Variants in ACP7 observed in about 807,000 individuals in gnomAD.
ACP7 encodes the protein acid phosphatase type 7.
Under a neutral mutation model 60.6 loss-of-function variants are expected in ACP7, and 58 were observed. That is an observed-to-expected ratio of 0.96 (90% CI 0.77 to 1.19). The LOEUF is 1.19. Ranked by LOEUF, ACP7 falls within the 50% of genes most tolerant of loss-of-function variation. The probability of loss-of-function intolerance (pLI) is 0.00; values close to 1 mark genes in which losing one functional copy is unlikely to be tolerated. For synonymous variants in ACP7, 237 were observed against 232.6 expected (o/e 1.02, Z -0.17); for missense variants, 574 against 596.2 (o/e 0.96, Z 0.39).
At chr19:39,095,687 G>A (rs922218772) in intron 2 of ACP7, among the ~76,000 whole-genome samples, 6 of 152,228 alleles carry the variant, frequency 3.9e-5, no homozygotes, top group Non-Finnish European at 8.8e-5. Context: ...CTGTGTGGGG[G>A]CTCCAGCCCC....
In ACP7 at chr19:39,110,290, G is replaced by A. The variant is rs1271403994; in HGVS notation, c.*172G>A. On this transcript the variant is annotated 3_prime_UTR_variant, in exon 13 of 13. Transcript: ENST00000331256. Reference sequence around the variant, plus strand: ...GAGCTGGGGCAGCTGTTCCCTCCTGGAGAGGTGGGAGTCCTGGCTGGCTGT... The same window carrying A: ...GAGCTGGGGCAGCTGTTCCCTCCTGAAGAGGTGGGAGTCCTGGCTGGCTGT... 2 of 629,210 alleles carry A rather than the reference G, an allele frequency of 3.2e-6. No homozygotes were observed. Among genetic ancestry groups the A allele is most frequent in the Admixed American group, 6.0e-5 (2 of 33,112 alleles). The allele number at this position is 629,210 out of a possible 1,614,324, so 39.0% of individuals were successfully genotyped here. A position where few individuals can be genotyped will look rare whatever the true frequency, so the allele number is the denominator to read the frequency against.
At chr19:39,091,013 T>G (rs2073197542) in intron 2 of ACP7, among the ~76,000 whole-genome samples, 1 of 152,072 alleles carries the variant, frequency 6.6e-6, no homozygotes, top group Non-Finnish European at 1.5e-5. Context: ...TCCTTCAGAT[T>G]GCGTTCTGTG....
At chr19:39,093,547 C>G (rs2073234581) in intron 2 of ACP7, among the ~76,000 whole-genome samples, 1 of 152,040 alleles carries the variant, frequency 6.6e-6, no homozygotes, top group Admixed American at 6.6e-5. Flanking sequence ...AGCCATCGCG[C>G]CCAGCTAATT....
chr19:39,087,759 A>G (rs1185953151), intron 2 of ACP7, among the ~76,000 whole-genome samples: 1 of 150,502 alleles, frequency 6.6e-6, no homozygotes, highest in South Asian at 2.1e-4. Flanking sequence ...TCAGCCTCCC[A>G]AGTATCTGGG....
intron 2 of ACP7, among the ~76,000 whole-genome samples, chr19:39,093,759 C>A (rs8111459): frequency 0.036 from 5,477 of 152,124 alleles, 299 homozygotes; most frequent in African/African-American, 0.12. Flanking sequence ...CCTGGTGTAC[C>A]CTTTCTTTAT....
intron 12 of ACP7, among the ~76,000 whole-genome samples, chr19:39,107,578 C>CAAAAAAAAAAA (rs34130688): frequency 2.5e-5 from 2 of 81,226 alleles, no homozygotes; most frequent in Admixed American, 1.5e-4. Flanking sequence ...GACTCTGTCT[C>CAAAAAAAAAAA]AAAAAAAAAA....
At chr19:39,101,997 G>A (rs924514851) in intron 11 of ACP7, among the ~76,000 whole-genome samples, 1 of 151,686 alleles carries the variant, frequency 6.6e-6, no homozygotes, top group African/African-American at 2.4e-5. Flanking sequence ...GTGCTTGCTT[G>A]TAATTTTAGC....
chr19:39,105,110 G>C (rs527951823), intron 11 of ACP7, among the ~76,000 whole-genome samples: 1 of 151,760 alleles, frequency 6.6e-6, no homozygotes, highest in East Asian at 2.0e-4. Context: ...CTGCCTCCCA[G>C]GCTCAAGCGA....
chr19:39,103,653 C>T lies in ACP7; in HGVS notation c.1113+2116C>T, dbSNP rs1038203731. ...ACCAGTCTGGGCAACATGGTGAAAC[C>T]CCATCGCTATCAAAAAATACAAAAT... is the stretch of plus-strand genomic sequence containing the variant. On this transcript the variant is annotated intron_variant, in intron 11 of 12. Transcript: ENST00000331256. Among the ~76,000 whole-genome samples the T allele has an allele frequency of 6.6e-5, 10 of 151,600 alleles. No individual in the cohort carries two copies. In the South Asian group the frequency reaches 2.1e-3, roughly 32 times the overall value.
intron 2 of ACP7, among the ~76,000 whole-genome samples, chr19:39,087,697 G>T (rs1416908568): frequency 6.8e-6 from 1 of 147,246 alleles, no homozygotes; most frequent in African/African-American, 2.5e-5. Context: ...GCAATGGCAT[G>T]ATCTTGGCTC....
chr19:39,106,736 C>T (rs531456681), intron 11 of ACP7, among the ~76,000 whole-genome samples: 1 of 152,258 alleles, frequency 6.6e-6, no homozygotes, highest in South Asian at 2.1e-4. Context: ...GTTGGCCAGG[C>T]TGGTCTCTGA....
intron 12 of ACP7, among the ~76,000 whole-genome samples, chr19:39,108,892 C>G (rs934659737): frequency 3.3e-5 from 5 of 152,190 alleles, no homozygotes; most frequent in Middle Eastern, 3.4e-3. Flanking sequence ...GCAATCTAAG[C>G]TCACTGCAAC....
At chr19:39,095,263 A>C (rs1428727557) in intron 2 of ACP7, among the ~76,000 whole-genome samples, 1 of 152,238 alleles carries the variant, frequency 6.6e-6, no homozygotes, top group African/African-American at 2.4e-5. Context: ...TGAGCCTGTA[A>C]AATCAAAAGC....
chr19:39,107,466 C>A (rs1342890800), intron 12 of ACP7, among the ~76,000 whole-genome samples: 1 of 151,162 alleles, frequency 6.6e-6, no homozygotes. Flanking sequence ...TGCCTATAGT[C>A]CCAGCTACTC....
At chr19:39,099,992 CAAAAAAAA>C (rs35619428) in intron 4 of ACP7, among the ~76,000 whole-genome samples, 2 of 72,522 alleles carry the variant, frequency 2.8e-5, no homozygotes, top group Admixed American at 1.7e-4. Context: ...GACTCTGTCT[CAAAAAAAA>C]AAAAAAAAAA....
intron 2 of ACP7, among the ~76,000 whole-genome samples, chr19:39,096,704 C>G (rs998037798): frequency 6.6e-6 from 1 of 152,182 alleles, no homozygotes; most frequent in African/African-American, 2.4e-5. Context: ...ATACCCAAGA[C>G]TGGGAAGAAA....
chr19:39,101,364 C>T lies in ACP7; in HGVS notation c.1041+9C>T, dbSNP rs375751265. 2.2e-5 allele frequency: 35 copies of T among 1,614,058 alleles called. No individual in the cohort carries two copies. The highest frequency in any genetic ancestry group is 2.7e-5 in the African/African-American group (2 of 74,932). ...CAATTTACAACTACCAGGTGAGGCA[C>T]GTGAAGGGCTGAGCGCCCACACAGC... is the stretch of plus-strand genomic sequence containing the variant. On this transcript the variant is annotated intron_variant, in intron 10 of 12. Coordinates refer to ENST00000331256, the MANE Select transcript of ACP7 (RefSeq NM_001004318.3).
At position 39,102,662 on chromosome 19, in the gene ACP7, C is replaced by A. The variant is rs1044447573; in HGVS notation, c.1113+1125C>A. ...ACTTTCACCCTCTTATTTTCAAACC[C>A]ATTAGTGGACGCTGCCTGTTAACAG... On this transcript the variant is annotated intron_variant, in intron 11 of 12. Transcript: ENST00000331256. 3.9e-5 allele frequency among the ~76,000 whole-genome samples: 6 copies of A among 152,030 alleles called. 1 individual carries two copies. Among genetic ancestry groups the A allele is most frequent in the Non-Finnish European group, 8.8e-5 (6 of 68,018 alleles).
chr19:39,098,249 G>C (rs1410587531), intron 2 of ACP7, among the ~76,000 whole-genome samples: 1 of 57,524 alleles, frequency 1.7e-5, no homozygotes, highest in East Asian at 5.8e-4. Context: ...GTAAGACCCT[G>C]ACTCAAAAAA....
Sources: allele counts gnomAD v4.1 joint callset (sites outside exome capture counted in the v4.1 genomes callset), GRCh38; gene constraint gnomAD v4.1.1; transcripts MANE v1.5; gene names NCBI Gene and HGNC (gene_info 2026-07-23, HGNC 2026-07-21).